CZIB: variants seen among roughly 807,000 people sequenced by gnomAD.
CZIB encodes UPF0587 protein C1orf123.
In CZIB, 26 loss-of-function variants were observed where a neutral mutation model predicts 28.3. That is an observed-to-expected ratio of 0.92 (90% CI 0.67 to 1.27). The LOEUF is 1.27. Among genes scored for constraint, CZIB ranks in the 50% most tolerant of loss-of-function variants. The pLI, the probability that CZIB is intolerant of heterozygous loss-of-function variation, is 0.00. For missense variants in CZIB, 179 were observed against 197.3 expected, an observed-to-expected ratio of 0.91 and a Z score of 0.56; for synonymous variants, 78 against 71.1, an observed-to-expected ratio of 1.10 and a Z score of -0.49.
rs183750645 is a variant in CZIB, at chr1:53,216,849, T to C, written c.272A>G (p.Asn91Ser). 1.2e-6 allele frequency: 2 copies of C among 1,614,094 alleles called. No homozygotes were observed. The highest frequency in any genetic ancestry group is 4.5e-5 in the East Asian group (2 of 44,874). The change falls in exon 6 of 8, where the codon AAT (asparagine) becomes AGT (serine). Residue 91 changes from asparagine (N) to serine (S), a missense_variant. Coordinates refer to ENST00000294360, the MANE Select transcript of CZIB (RefSeq NM_017887.3). ...CTCCACTATTGTCTTGAAGTTCTCA[T>C]TGTCTTCAGCCTAGAAAGGAAGTGT... ...STIKPYNAED[N>S]ENFKTIVEFE... is the part of the protein sequence containing the mutation.
intron 6 of CZIB, among the ~76,000 whole-genome samples, 178 bp downstream of exon 6, chr1:53,216,604 C>T (rs1285408020): frequency 1.3e-5 from 2 of 152,124 alleles, no homozygotes; most frequent in Admixed American, 6.5e-5. Flanking sequence ...AATGTGGTAA[C>T]ATGTAAAAAT....
chr1:53,215,889 C>A (rs1046935326), intron 7 of CZIB, 102 bp downstream of exon 7: 4 of 1,257,428 alleles, frequency 3.2e-6, no homozygotes, highest in African/African-American at 3.0e-5. Flanking sequence ...ACAAAAAGCA[C>A]AAAAATACAG....
rs1645454620 is a variant in CZIB, at chr1:53,214,417, C to T, written c.*242G>A. ...TCCTAAGGAGTGAACTGCTGCTGCACGAATTCTTATTTGTGGAGGGAGTAG... is the reference window on the plus strand; with the variant it reads ...TCCTAAGGAGTGAACTGCTGCTGCATGAATTCTTATTTGTGGAGGGAGTAG... On this transcript the variant is annotated 3_prime_UTR_variant, in exon 8 of 8. Coordinates refer to ENST00000294360, the MANE Select transcript of CZIB (RefSeq NM_017887.3). The T allele has an allele frequency of 8.1e-6, 4 of 492,026 alleles. No homozygotes were observed. Among genetic ancestry groups the T allele is most frequent in the Admixed American group, 6.6e-5 (2 of 30,310 alleles). The allele number at this position is 492,026 out of a possible 1,614,324, so 30.5% of individuals were successfully genotyped here.
intron 2 of CZIB, chr1:53,219,137 C>T: frequency 1.7e-6 from 1 of 586,950 alleles, no homozygotes; most frequent in Non-Finnish European, 3.0e-6. Flanking sequence ...TGCCCACCCT[C>T]CTCTATGAAG....
chr1:53,218,233 C>T (rs1339585454), intron 4 of CZIB, 30 bp from the exon 5 acceptor site: 1 of 1,613,498 alleles, frequency 6.2e-7, no homozygotes, highest in African/African-American at 1.3e-5. Context: ...ACAAAGTTGA[C>T]TTGAGTCCAT....
At chr1:53,216,520 T>C (rs1404928476) in intron 6 of CZIB, among the ~76,000 whole-genome samples, 1 of 152,146 alleles carries the variant, frequency 6.6e-6, no homozygotes, top group East Asian at 1.9e-4. Flanking sequence ...CCTGAGCAAG[T>C]TGCAAAATCT....
chr1:53,220,192 A>T (rs1271424718), intron 2 of CZIB, 69 bp downstream of exon 2: 4 of 1,351,660 alleles, frequency 3.0e-6, no homozygotes, highest in African/African-American at 2.9e-5. Context: ...ATACTGCCGG[A>T]GAGAAGGCTC....
intron 7 of CZIB, 114 bp downstream of exon 7, chr1:53,215,877 T>A: frequency 1.8e-6 from 2 of 1,105,016 alleles, no homozygotes; most frequent in South Asian, 1.4e-5. Context: ...GCAAAATCAC[T>A]AACAAAAAGC....
At chr1:53,219,301 C>CT (rs1645502714) in intron 2 of CZIB, 1 of 247,286 alleles carries the variant, frequency 4.0e-6, no homozygotes, top group South Asian at 5.8e-5. Flanking sequence ...TGTAGGATGA[C>CT]TATAGCTGAC....
chr1:53,220,568 A>T lies in CZIB; in HGVS notation c.6+2T>A, dbSNP rs916281423. On this transcript the variant is annotated splice_donor_variant, in intron 1 of 7. Transcript: ENST00000294360. LOFTEE classifies it high-confidence loss of function. Reference sequence around the variant, plus strand: ...TCCCCGCGGCGGGCGGCCTCCCCTCACCCCCATGGTAGCCCTCTCCGCCCG... The same window carrying T: ...TCCCCGCGGCGGGCGGCCTCCCCTCTCCCCCATGGTAGCCCTCTCCGCCCG... 1.9e-6 allele frequency: 3 copies of T among 1,595,682 alleles called. No individual in the cohort carries two copies. Among genetic ancestry groups the T allele is most frequent in the African/African-American group, 2.7e-5 (2 of 74,348 alleles).
At chr1:53,219,655 T>A (rs1645505301) in intron 2 of CZIB, 1 of 152,572 alleles carries the variant, frequency 6.6e-6, no homozygotes, top group Non-Finnish European at 1.5e-5. Context: ...TTCTCCCAAG[T>A]AAGCCCTGGT....
chr1:53,218,474 C>T lies in CZIB; in HGVS notation c.169G>A (p.Gly57Ser). 6.2e-7 allele frequency: 1 copy of T among 1,614,184 alleles called. No homozygotes were observed. Among genetic ancestry groups the T allele is most frequent in the African/African-American group, 1.3e-5 (1 of 75,040 alleles). The change falls in exon 4 of 8, where the codon GGC becomes AGC. Residue 57 changes from glycine (G) to serine (S), a missense_variant. Coordinates refer to ENST00000294360, the MANE Select transcript of CZIB (RefSeq NM_017887.3). The part of the protein sequence containing the change: ...RLMDSVALKG[G>S]RGSASMVQKC... ...TGGACCATGGAAGCACTGCCACGGC[C>T]CCCCTTCAGTGCCACACTGTCCTGG...
In CZIB at chr1:53,216,814, G is replaced by A. The variant is rs759877678; in HGVS notation, c.307C>T (p.Arg103Trp). The change falls in exon 6 of 8, where the codon CGG (arginine) becomes TGG (tryptophan). Residue 103 changes from arginine to tryptophan, a missense_variant. Physicochemically the swap from Arg to Trp is moderately radical, Grantham distance 101. Coordinates refer to ENST00000294360, the MANE Select transcript of CZIB (RefSeq NM_017887.3). ...TGGAAATCAACTGGTTCAAGGCCCCGGCACTCAAACTCCACTATTGTCTTG... is the reference window on the plus strand; with the variant it reads ...TGGAAATCAACTGGTTCAAGGCCCCAGCACTCAAACTCCACTATTGTCTTG... ...NFKTIVEFEC[R>W]GLEPVDFQPQ... The A allele has an allele frequency of 8.1e-6, 13 of 1,614,128 alleles. No homozygotes were observed. Among genetic ancestry groups the A allele is most frequent in the East Asian group, 2.2e-5 (1 of 44,886 alleles).
Position 53,220,633 on chromosome 1 carries a change from G to A in CZIB, c.-58C>T. ...CCTTGCCGTTGCTTTCCGGCGCGTC[G>A]TAAAAGGCGGGTGCCGTCTGCGCAC... On this transcript the variant is annotated 5_prime_UTR_variant, in exon 1 of 8. The change creates a new upstream start codon in the 5' untranslated region. Coordinates refer to ENST00000294360, the MANE Select transcript of CZIB (RefSeq NM_017887.3). 1 of 1,585,218 alleles carries A rather than the reference G, an allele frequency of 6.3e-7. No homozygotes were observed. The highest frequency in any genetic ancestry group is 8.5e-7 in the Non-Finnish European group (1 of 1,173,030).
chr1:53,219,977 A>G (rs557636321), intron 2 of CZIB: 147 of 434,200 alleles, frequency 3.4e-4, no homozygotes, highest in African/African-American at 2.8e-3. Flanking sequence ...CACCTTATTA[A>G]ATAATCACAA....
chr1:53,220,288 C>T lies in CZIB; in HGVS notation c.63G>A (p.Val21=). Residue 21 remains valine, a synonymous_variant, in exon 2 of 8, where the codon GTG becomes GTA. Coordinates refer to ENST00000294360, the MANE Select transcript of CZIB (RefSeq NM_017887.3). ...TCAGGTACCACCGGAAGTCCTCGCC[C>T]ACGGGCCGGAGGTTGGTGATGTTCT... The part of the protein sequence containing the change: ...TLENITNLRP[V]GEDFRWYLKM... 6.2e-7 allele frequency: 1 copy of T among 1,613,644 alleles called. No homozygotes were observed. Among genetic ancestry groups the T allele is most frequent in the Non-Finnish European group, 8.5e-7 (1 of 1,179,906 alleles).
At chr1:53,219,191 T>C in intron 2 of CZIB, 3 of 430,282 alleles carry the variant, frequency 7.0e-6, no homozygotes, top group South Asian at 3.0e-5. Flanking sequence ...GGTGCAGAAA[T>C]GGTTTCAGCG....
In CZIB at chr1:53,220,582, C is replaced by T. The variant is rs767391955; in HGVS notation, c.-7G>A. 9 of 1,597,942 alleles carry T rather than the reference C, an allele frequency of 5.6e-6. No homozygotes were observed. The highest frequency in any genetic ancestry group is 2.2e-5 in the South Asian group (2 of 90,880). ...GGCCTCCCCTCACCCCCATGGTAGCCCTCTCCGCCCGGTGCTGGCTGCGGC... is the reference window on the plus strand; with the variant it reads ...GGCCTCCCCTCACCCCCATGGTAGCTCTCTCCGCCCGGTGCTGGCTGCGGC... On this transcript the variant is annotated 5_prime_UTR_variant, in exon 1 of 8. Transcript: ENST00000294360.
chr1:53,220,524 T>A lies in CZIB; in HGVS notation c.6+46A>T, dbSNP rs748171388. On this transcript the variant is annotated intron_variant, in intron 1 of 7. Coordinates refer to ENST00000294360, the MANE Select transcript of CZIB (RefSeq NM_017887.3). ...GCGCGAGCTGTTGCCTCCCAGACCC[T>A]CGCCACCTCCCCTCCGTGTCCCCGC... 2.5e-6 allele frequency: 4 copies of A among 1,600,258 alleles called. No homozygotes were observed. In the South Asian group the frequency reaches 3.3e-5, roughly 13 times the overall value.
Sources: allele counts gnomAD v4.1 joint callset (sites outside exome capture counted in the v4.1 genomes callset), GRCh38; gene constraint gnomAD v4.1.1; transcripts MANE v1.5; gene names NCBI Gene and HGNC (gene_info 2026-07-23, HGNC 2026-07-21).